The following PRDX4 variants were observed in gnomAD, a reference collection of about 807,000 sequenced individuals.
PRDX4 encodes the protein peroxiredoxin-4.
A neutral mutation model predicts 20.5 loss-of-function variants in PRDX4; 12 were observed. The ratio of observed to expected loss-of-function variants is 0.58; its 90% CI spans 0.37 to 0.95. PRDX4 has a LOEUF of 0.95. PRDX4 is among the 40% of genes least tolerant of loss of function. The probability of loss-of-function intolerance (pLI) is 0.01; values close to 1 mark genes in which losing one functional copy is unlikely to be tolerated. For synonymous variants in PRDX4, 99 were observed against 87.5 expected (o/e 1.13, Z -0.73); for missense variants, 180 against 207.3 (o/e 0.87, Z 0.81).
intron 5 of PRDX4, among the ~76,000 whole-genome samples, chrX:23,682,853 A>ATATATAT (rs1398017836): frequency 2.0e-4 from 3 of 14,876 alleles, no homozygotes; most frequent in African/African-American, 6.5e-4. Context: ...AAAAAAAAAA[A>ATATATAT]ATATATATAT....
chrX:23,678,696 A>G (rs1354859816), intron 3 of PRDX4, among the ~76,000 whole-genome samples: 2 of 111,116 alleles, frequency 1.8e-5, no homozygotes, highest in Non-Finnish European at 3.8e-5. Flanking sequence ...GCACTTTGGG[A>G]GGGTGAAGCA....
intron 2 of PRDX4, among the ~76,000 whole-genome samples, chrX:23,673,518 C>A (rs1927884149): frequency 8.9e-6 from 1 of 112,193 alleles, no homozygotes; most frequent in African/African-American, 3.2e-5. Context: ...TTTGGGAGGC[C>A]AACATGGGCG....
chrX:23,667,636 G>A lies in PRDX4; in HGVS notation c.66G>A (p.Leu22=). Residue 22 remains leucine (L), a synonymous_variant, in exon 1 of 7, where the codon CTG becomes CTA. Coordinates refer to ENST00000379341, the MANE Select transcript of PRDX4 (RefSeq NM_006406.2). The part of the protein sequence containing the change: ...PDHGRHRRLL[L]LPLLLFLLPA... ...ACGGCCGCCACCGAAGGCTGCTTCT[G>A]CTGCCGCTACTGCTGTTCCTGCTGC... 8.3e-7 allele frequency: 1 copy of A among 1,203,312 alleles called. No individual in the cohort carries two copies. The highest frequency in any genetic ancestry group is 1.1e-6 in the Non-Finnish European group (1 of 891,380).
intron 3 of PRDX4, chrX:23,675,435 G>A (rs1380474246): frequency 4.0e-6 from 1 of 252,555 alleles, no homozygotes; most frequent in African/African-American, 2.8e-5. Flanking sequence ...ATAATCTGGA[G>A]GAAAAAAATC....
intron 4 of PRDX4, among the ~76,000 whole-genome samples, chrX:23,680,954 G>A (rs1928055337): frequency 9.0e-6 from 1 of 111,511 alleles, no homozygotes; most frequent in African/African-American, 3.3e-5. Context: ...ACATAGCCGG[G>A]CGCAGTGGCT....
At chrX:23,682,243 A>T (rs865957226) in intron 4 of PRDX4, among the ~76,000 whole-genome samples, 153 bp from the exon 5 acceptor site, 5 of 24,949 alleles carry the variant, frequency 2.0e-4, no homozygotes. Context: ...AGGTGTGTGT[A>T]CGTGTGTGTG....
At chrX:23,672,534 G>A (rs1221082947) in intron 2 of PRDX4, among the ~76,000 whole-genome samples, 2 of 111,921 alleles carry the variant, frequency 1.8e-5, no homozygotes, top group Non-Finnish European at 3.8e-5. Context: ...CTTTATTCAC[G>A]TTGAGGATTT....
In PRDX4 at chrX:23,686,363, G is replaced by A; in HGVS notation, c.*28G>A. Reference sequence around the variant, plus strand: ...AATACTTCTTCAAGTTATGATGCTTGAAAGTTCTCAATAAAGTTCACGGTT... The same window carrying A: ...AATACTTCTTCAAGTTATGATGCTTAAAAGTTCTCAATAAAGTTCACGGTT... On this transcript the variant is annotated 3_prime_UTR_variant, in exon 7 of 7. Coordinates refer to ENST00000379341, the MANE Select transcript of PRDX4 (RefSeq NM_006406.2). The A allele has an allele frequency of 9.0e-7, 1 of 1,109,582 alleles. No homozygotes were observed. The highest frequency in any genetic ancestry group is 2.0e-5 in the South Asian group (1 of 49,237). The allele number at this position is 1,109,582 out of a possible 1,213,427, so 91.4% of individuals were successfully genotyped here.
rs760321460 is a variant in PRDX4 at position 23,686,367 on chromosome X, G to T, written c.*32G>T. 1.1e-5 allele frequency: 12 copies of T among 1,093,982 alleles called. No homozygotes were observed. The highest frequency in any genetic ancestry group is 1.5e-5 in the Non-Finnish European group (12 of 806,595). The allele number at this position is 1,093,982 out of a possible 1,213,427, so 90.2% of individuals were successfully genotyped here. ...CTTCTTCAAGTTATGATGCTTGAAA[G>T]TTCTCAATAAAGTTCACGGTTTCAT... On this transcript the variant is annotated 3_prime_UTR_variant, in exon 7 of 7. Transcript: ENST00000379341.
chrX:23,682,327 T>C, intron 4 of PRDX4, 69 bp from the exon 5 acceptor site: 1 of 892,408 alleles, frequency 1.1e-6, no homozygotes, highest in South Asian at 2.7e-5. Context: ...TTTGTGTGGA[T>C]GGTATAGGAA....
chrX:23,667,867 C>T, intron 1 of PRDX4, 56 bp downstream of exon 1: 1 of 1,186,415 alleles, frequency 8.4e-7, no homozygotes, highest in Non-Finnish European at 1.1e-6. Flanking sequence ...ACGTGTACCC[C>T]GGTTACACCC....
At chrX:23,673,240 A>G (rs1445096235) in intron 2 of PRDX4, among the ~76,000 whole-genome samples, 2 of 112,519 alleles carry the variant, frequency 1.8e-5, no homozygotes, top group Admixed American at 1.9e-4. Context: ...GCATGTTGTT[A>G]GCAATGGTCT....
intron 2 of PRDX4, among the ~76,000 whole-genome samples, chrX:23,674,476 T>G: frequency 9.1e-6 from 1 of 109,966 alleles, no homozygotes; most frequent in Non-Finnish European, 1.9e-5. Flanking sequence ...TGCACAGGAC[T>G]GGTAGACAAG....
chrX:23,682,853 A>ATATATATATATATATAT (rs1398017836), intron 5 of PRDX4, among the ~76,000 whole-genome samples: 1 of 14,878 alleles, frequency 6.7e-5, no homozygotes, highest in Non-Finnish European at 1.3e-4. Context: ...AAAAAAAAAA[A>ATATATATATATATATAT]ATATATATAT....
At chrX:23,682,853 A>AAAAAAAATATAT (rs1555933130) in intron 5 of PRDX4, among the ~76,000 whole-genome samples, 3 of 14,876 alleles carry the variant, frequency 2.0e-4, no homozygotes, top group African/African-American at 4.3e-4. Flanking sequence ...AAAAAAAAAA[A>AAAAAAAATATAT]ATATATATAT....
chrX:23,684,272 G>A (rs1447852837), intron 6 of PRDX4, among the ~76,000 whole-genome samples: 2 of 109,463 alleles, frequency 1.8e-5, no homozygotes, highest in African/African-American at 6.7e-5. Context: ...AAAAAAAAAA[G>A]TAGGGCAGAG....
In PRDX4 at chrX:23,667,922, C is replaced by T. The variant is rs1232327426; in HGVS notation, c.241+111C>T. Reference sequence around the variant, plus strand: ...GGCACCCCCTGGGCTGCCTCCGGGCCCTGGGCGGGCCTGGTTCTCACCTAG... The same window carrying T: ...GGCACCCCCTGGGCTGCCTCCGGGCTCTGGGCGGGCCTGGTTCTCACCTAG... On this transcript the variant is annotated intron_variant, in intron 1 of 6. Coordinates refer to ENST00000379341, the MANE Select transcript of PRDX4 (RefSeq NM_006406.2). 8 of 1,065,325 alleles carry T rather than the reference C, an allele frequency of 7.5e-6. No individual in the cohort carries two copies. The Admixed American group carries it at 1.5e-4, about 20-fold the overall frequency. The allele number at this position is 1,065,325 out of a possible 1,213,427, so 87.8% of individuals were successfully genotyped here.
chrX:23,674,507 G>T (rs1318189804), intron 2 of PRDX4, among the ~76,000 whole-genome samples: 1 of 109,513 alleles, frequency 9.1e-6, no homozygotes, highest in Non-Finnish European at 1.9e-5. Context: ...ACCTTATCAA[G>T]AAAGGAGGGG....
At chrX:23,669,164 T>C (rs1447424213) in intron 1 of PRDX4, among the ~76,000 whole-genome samples, 1 of 111,770 alleles carries the variant, frequency 8.9e-6, no homozygotes, top group Admixed American at 9.5e-5. Flanking sequence ...GACCTCATGA[T>C]CCGCCTGCCT....
Sources: gnomAD v4.1 joint callset for allele counts (sites outside exome capture counted in the v4.1 genomes callset) on GRCh38, gnomAD v4.1.1 for gene constraint, MANE v1.5 for transcripts, NCBI Gene and HGNC (gene_info 2026-07-23, HGNC 2026-07-21) for gene names.